Variants in KLHL1 observed in about 807,000 individuals in gnomAD.
KLHL1 encodes kelch like family member 1.
Under a neutral mutation model 77.7 loss-of-function variants are expected in KLHL1, and 47 were observed. The observed-to-expected ratio is 0.60, with a 90% confidence interval of 0.48 to 0.77. The LOEUF is 0.77. Ranked by LOEUF, KLHL1 falls within the 30% of genes least tolerant of loss-of-function variation. The probability of loss-of-function intolerance (pLI) is 0.00; values close to 1 mark genes in which losing one functional copy is unlikely to be tolerated. For missense variants in KLHL1, 925 were observed against 910.8 expected (o/e 1.02, Z -0.20); for synonymous variants, 360 against 325.2 (o/e 1.11, Z -1.15).
At chr13:69,760,895 A>G (rs1408659326) in intron 7 of KLHL1, among the ~76,000 whole-genome samples, 1 of 152,052 alleles carries the variant, frequency 6.6e-6, no homozygotes, top group Non-Finnish European at 1.5e-5. Flanking sequence ...AGATTTTACC[A>G]TTTTTCTGAT....
chr13:69,714,487 T>C (rs1876023666), intron 9 of KLHL1, among the ~76,000 whole-genome samples: 1 of 152,158 alleles, frequency 6.6e-6, no homozygotes, highest in African/African-American at 2.4e-5. Flanking sequence ...AGTTCAAAAC[T>C]AAAGAACAAT....
At chr13:70,051,036 T>G (rs1290127248) in intron 1 of KLHL1, among the ~76,000 whole-genome samples, 4 of 151,956 alleles carry the variant, frequency 2.6e-5, no homozygotes, top group Admixed American at 1.3e-4. Flanking sequence ...CCAGGTTTGG[T>G]TGGAATATAA....
At chr13:70,094,690 A>C (rs565300578) in intron 1 of KLHL1, among the ~76,000 whole-genome samples, 1 of 152,058 alleles carries the variant, frequency 6.6e-6, no homozygotes, top group African/African-American at 2.4e-5. Context: ...ACGGAACTTC[A>C]ATGCTTTTGT....
At chr13:69,927,295 C>T (rs1882847793) in intron 4 of KLHL1, among the ~76,000 whole-genome samples, 1 of 151,976 alleles carries the variant, frequency 6.6e-6, no homozygotes, top group Non-Finnish European at 1.5e-5. Flanking sequence ...ATATAAGAGC[C>T]AAAGTCACAA....
intron 1 of KLHL1, among the ~76,000 whole-genome samples, chr13:69,996,910 A>ATTTTTT (rs10549532): frequency 0.011 from 774 of 71,200 alleles, 42 homozygotes; most frequent in Middle Eastern, 0.02. Flanking sequence ...TATTCATTAA[A>ATTTTTT]TTTTTTTTTT....
At chr13:69,870,636 T>C (rs1274116568) in intron 5 of KLHL1, among the ~76,000 whole-genome samples, 2 of 151,748 alleles carry the variant, frequency 1.3e-5, no homozygotes, top group African/African-American at 4.8e-5. Context: ...AAAATAAAAA[T>C]ATATATATAT....
chr13:69,966,098 CA>C (rs1397751140), intron 2 of KLHL1, among the ~76,000 whole-genome samples: 1 of 152,098 alleles, frequency 6.6e-6, no homozygotes, highest in Admixed American at 6.6e-5. Context: ...ACAGAAGCTG[CA>C]GCTTCTGTGA....
intron 1 of KLHL1, among the ~76,000 whole-genome samples, chr13:69,988,497 G>T (rs1371297931): frequency 1.3e-5 from 2 of 152,026 alleles, no homozygotes; most frequent in Admixed American, 6.6e-5. Flanking sequence ...GAATTGCTGG[G>T]TTGAATGTTA....
At chr13:69,753,524 T>C (rs1056440540) in intron 7 of KLHL1, among the ~76,000 whole-genome samples, 3 of 152,114 alleles carry the variant, frequency 2.0e-5, no homozygotes, top group African/African-American at 7.2e-5. Context: ...ATAATACAGA[T>C]GGGAGACAAA....
chr13:69,820,984 T>C (rs1878311595), intron 6 of KLHL1, among the ~76,000 whole-genome samples: 1 of 152,254 alleles, frequency 6.6e-6, no homozygotes, highest in Non-Finnish European at 1.5e-5. Flanking sequence ...CTTGTGTGTT[T>C]CTTTCTTGCA....
intron 10 of KLHL1, among the ~76,000 whole-genome samples, chr13:69,703,612 T>C (rs1315565080): frequency 6.6e-6 from 1 of 151,676 alleles, no homozygotes; most frequent in Non-Finnish European, 1.5e-5. Context: ...TGTCACTGAC[T>C]CACCCAGGGC....
At chr13:69,933,776 C>T (rs547306675) in intron 4 of KLHL1, among the ~76,000 whole-genome samples, 14 of 151,172 alleles carry the variant, frequency 9.3e-5, no homozygotes, top group South Asian at 4.2e-4. Flanking sequence ...CTGGTAGCAC[C>T]GGACAGAAAA....
rs144406230 is a variant in KLHL1, at chr13:69,703,306, C to T, written c.2188-1545G>A. On this transcript the variant is annotated intron_variant, in intron 10 of 10. Coordinates refer to ENST00000377844, the MANE Select transcript of KLHL1 (RefSeq NM_020866.3). ...ACTGGTGTAAACAAACCTGTTGTAC[C>T]GCTTTTTTGAAAATGGAAAAAAGCT... is the stretch of plus-strand genomic sequence containing the variant. 3.0e-3 allele frequency among the ~76,000 whole-genome samples: 452 copies of T among 151,038 alleles called. 1 individual carries two copies. Among genetic ancestry groups the T allele is most frequent in the African/African-American group, 0.01 (432 of 41,258 alleles).
intron 3 of KLHL1, among the ~76,000 whole-genome samples, chr13:69,950,045 TA>T (rs1338527142): frequency 6.6e-6 from 1 of 151,702 alleles, no homozygotes; most frequent in Admixed American, 6.6e-5. Flanking sequence ...AATTAATCTG[TA>T]AACCATGTCA....
chr13:69,715,954 C>T (rs532778485), intron 9 of KLHL1, among the ~76,000 whole-genome samples: 1 of 152,082 alleles, frequency 6.6e-6, no homozygotes, highest in Non-Finnish European at 1.5e-5. Flanking sequence ...TCTTGAGGCC[C>T]TATCTATCTC....
At chr13:69,924,036 C>T (rs1001025841) in intron 4 of KLHL1, among the ~76,000 whole-genome samples, 16 of 152,208 alleles carry the variant, frequency 1.1e-4, no homozygotes, top group East Asian at 1.9e-4. Context: ...AATTCAGCCA[C>T]GTGTGCACAT....
chr13:69,837,974 T>C (rs1879094631), intron 6 of KLHL1, among the ~76,000 whole-genome samples: 1 of 151,622 alleles, frequency 6.6e-6, no homozygotes, highest in South Asian at 2.1e-4. Flanking sequence ...TCTTATTTCT[T>C]TAGGCTTCTG....
At chr13:70,088,855 G>GA (rs10691528) in intron 1 of KLHL1, among the ~76,000 whole-genome samples, 25,088 of 150,434 alleles carry the variant, frequency 0.17, 2,197 homozygotes, top group African/African-American at 0.2. Flanking sequence ...ATCAGAAAAA[G>GA]AAAAAAAAAC....
rs567562147 is a variant in KLHL1 at position 70,072,586 on chromosome 13, TA to T, written c.497+34616del. 2.0e-3 allele frequency among the ~76,000 whole-genome samples: 311 copies of T among 152,118 alleles called. 2 individuals are homozygous for T. The highest frequency in any genetic ancestry group is 3.5e-3 in the Non-Finnish European group (237 of 68,000). On this transcript the variant is annotated intron_variant, in intron 1 of 10. Transcript: ENST00000377844. ...ATAGAAAAATGTATAACAATAATTATACACCTGTGGCCAGGTAGAACCTATC... is the reference window on the plus strand; with the variant it reads ...ATAGAAAAATGTATAACAATAATTATCACCTGTGGCCAGGTAGAACCTATC...
Sources: gnomAD v4.1 joint callset for allele counts (sites outside exome capture counted in the v4.1 genomes callset) on GRCh38, gnomAD v4.1.1 for gene constraint, MANE v1.5 for transcripts, NCBI Gene and HGNC (gene_info 2026-07-23, HGNC 2026-07-21) for gene names.